ARID4A: variants seen among roughly 807,000 people sequenced by gnomAD.
ARID4A encodes the protein AT-rich interaction domain 4A.
Under a neutral mutation model 148.6 loss-of-function variants are expected in ARID4A, and 39 were observed. That is an observed-to-expected ratio of 0.26 (90% confidence interval 0.20 to 0.34). The LOEUF (loss-of-function observed/expected upper bound fraction) is 0.34, where lower values mean the gene tolerates loss of function less well. Ranked by LOEUF, ARID4A falls within the 10% of genes least tolerant of loss-of-function variation. ARID4A has a pLI of 1.00. For missense variants in ARID4A, 1,265 were observed against 1,449.1 expected, an observed-to-expected ratio of 0.87 and a Z score of 2.06; for synonymous variants, 475 against 481.2, an observed-to-expected ratio of 0.99 and a Z score of 0.17.
At chr14:58,316,705 C>T (rs576276350) in intron 5 of ARID4A, among the ~76,000 whole-genome samples, 163 of 152,140 alleles carry the variant, frequency 1.1e-3, no homozygotes, top group South Asian at 2.3e-3. Flanking sequence ...CTCAGCCTCC[C>T]GAGTAGCTGA....
chr14:58,303,266 A>G (rs2031338272), intron 3 of ARID4A, among the ~76,000 whole-genome samples: 1 of 152,204 alleles, frequency 6.6e-6, no homozygotes, highest in Non-Finnish European at 1.5e-5. Context: ...CATATCTATC[A>G]TCTCAAACAT....
At chr14:58,324,705 G>T (rs1272601486) in intron 8 of ARID4A, among the ~76,000 whole-genome samples, 1 of 152,020 alleles carries the variant, frequency 6.6e-6, no homozygotes, top group Non-Finnish European at 1.5e-5. Flanking sequence ...GCCATCCCTG[G>T]CTCTCAATTT....
At chr14:58,349,392 A>G (rs1249764188) in intron 15 of ARID4A, among the ~76,000 whole-genome samples, 1 of 152,046 alleles carries the variant, frequency 6.6e-6, no homozygotes, top group African/African-American at 2.4e-5. Flanking sequence ...CATGCCTGTA[A>G]TCCCAGCACT....
At chr14:58,326,618 T>A (rs978952174) in intron 8 of ARID4A, among the ~76,000 whole-genome samples, 7 of 152,190 alleles carry the variant, frequency 4.6e-5, no homozygotes, top group Non-Finnish European at 8.8e-5. Flanking sequence ...TGCAGAGAAT[T>A]TTCCAAAAGA....
chr14:58,370,708 C>T lies in ARID4A; in HGVS notation c.3671-1178C>T, dbSNP rs1011399485. Among the ~76,000 whole-genome samples the T allele has an allele frequency of 2.0e-5, 3 of 152,188 alleles. No individual in the cohort carries two copies. The South Asian group carries it at 6.2e-4, about 32-fold the overall frequency. ...CTTACTGCAGCCTCAGACTCTTGGG[C>T]TCAAGCGACTCCCACCTCAGCCTCC... is the stretch of plus-strand genomic sequence containing the variant. On this transcript the variant is annotated intron_variant, in intron 23 of 23. Transcript: ENST00000355431.
At position 58,372,207 on chromosome 14, in the gene ARID4A, T is replaced by G; in HGVS notation, c.*218T>G. 2.3e-6 allele frequency: 1 copy of G among 436,862 alleles called. No individual in the cohort carries two copies. Among genetic ancestry groups the G allele is most frequent in the Non-Finnish European group, 4.1e-6 (1 of 245,100 alleles). The allele number at this position is 436,862 out of a possible 1,614,324, so 27.1% of individuals were successfully genotyped here. A position where few individuals can be genotyped will look rare whatever the true frequency, so the allele number is the denominator to read the frequency against. ...TGAAGGTTAAGCAGCCTGCCATATT[T>G]GTCATAATTTTTCCTCTTTACTTTT... On this transcript the variant is annotated 3_prime_UTR_variant, in exon 24 of 24. Coordinates refer to ENST00000355431, the MANE Select transcript of ARID4A (RefSeq NM_002892.4).
At chr14:58,301,915 T>C (rs1270405753) in intron 3 of ARID4A, among the ~76,000 whole-genome samples, 3 of 152,248 alleles carry the variant, frequency 2.0e-5, no homozygotes, top group Non-Finnish European at 2.9e-5. Flanking sequence ...TCCTGTCATT[T>C]GGCTCTTAAC....
At chr14:58,299,675 G>T (rs774559904) in intron 1 of ARID4A, 123 bp from the exon 2 acceptor site, 3 of 797,462 alleles carry the variant, frequency 3.8e-6, no homozygotes, top group Non-Finnish European at 2.1e-6. Context: ...CTCGTAAGGG[G>T]TCTTGTCCCT....
In ARID4A at chr14:58,320,624, CT is replaced by C. The variant is rs1314951671; in HGVS notation, c.449+1820del. ...CTTTTTTTTTTTTTTTTTTTTTCCC[CT>C]GAGACGGAGTCTCGCTCTGTCACCC... On this transcript the variant is annotated intron_variant, in intron 7 of 23. Coordinates refer to ENST00000355431, the MANE Select transcript of ARID4A (RefSeq NM_002892.4). Among the ~76,000 whole-genome samples the C allele has an allele frequency of 7.0e-5, 10 of 142,642 alleles. No individual in the cohort carries two copies. The South Asian group carries it at 1.5e-3, about 22-fold the overall frequency. The allele number at this position is 142,642 out of a possible 152,430, so 93.6% of individuals were successfully genotyped here.
chr14:58,326,438 GA>G (rs1321507475), intron 8 of ARID4A, among the ~76,000 whole-genome samples: 1 of 151,716 alleles, frequency 6.6e-6, no homozygotes, highest in African/African-American at 2.4e-5. Context: ...CTCTGTCTCA[GA>G]AAAAAAAGTA....
At chr14:58,305,246 C>G (rs530397315) in intron 4 of ARID4A, among the ~76,000 whole-genome samples, 12 of 152,038 alleles carry the variant, frequency 7.9e-5, no homozygotes, top group Non-Finnish European at 1.6e-4. Context: ...TTAAGTTTTT[C>G]ACCTACCTTT....
At chr14:58,303,039 T>C (rs575432778) in intron 3 of ARID4A, among the ~76,000 whole-genome samples, 6 of 152,332 alleles carry the variant, frequency 3.9e-5, no homozygotes, top group Admixed American at 2.6e-4. Flanking sequence ...AATTTTCTTA[T>C]ATGAATATAT....
At chr14:58,342,923 A>T (rs1180681080) in intron 11 of ARID4A, among the ~76,000 whole-genome samples, 1 of 152,154 alleles carries the variant, frequency 6.6e-6, no homozygotes, top group Non-Finnish European at 1.5e-5. Context: ...AAAAAAAAAA[A>T]AATACTGGAA....
intron 2 of ARID4A, 36 bp downstream of exon 2, chr14:58,299,896 C>CTGAAA: frequency 6.2e-7 from 1 of 1,613,898 alleles, no homozygotes; most frequent in Non-Finnish European, 8.5e-7. Context: ...TCCTCGCGCC[C>CTGAAA]TGAACACTGC....
intron 5 of ARID4A, among the ~76,000 whole-genome samples, chr14:58,309,728 CAG>C (rs2031877323): frequency 6.6e-6 from 1 of 152,146 alleles, no homozygotes; most frequent in African/African-American, 2.4e-5. Flanking sequence ...TGTACACACA[CAG>C]ATCATTTATC....
chr14:58,365,425 A>G, intron 20 of ARID4A, 93 bp from the exon 21 acceptor site: 1 of 1,409,522 alleles, frequency 7.1e-7, no homozygotes, highest in East Asian at 2.4e-5. Context: ...CTTATTAAAA[A>G]GAAAGAAATG....
chr14:58,352,428 A>G (rs969494810), intron 16 of ARID4A, among the ~76,000 whole-genome samples: 11 of 152,158 alleles, frequency 7.2e-5, no homozygotes, highest in Non-Finnish European at 1.3e-4. Flanking sequence ...AAAGGTGAAA[A>G]ACATCAAAAT....
At chr14:58,325,275 CTTGTT>C (rs560915049) in intron 8 of ARID4A, among the ~76,000 whole-genome samples, 33 of 151,918 alleles carry the variant, frequency 2.2e-4, no homozygotes, top group African/African-American at 6.5e-4. Flanking sequence ...CTTAAATACT[CTTGTT>C]TTGTTTTGTT....
At chr14:58,365,918 C>A in intron 21 of ARID4A, 106 bp from the exon 22 acceptor site, 1 of 1,005,990 alleles carries the variant, frequency 9.9e-7, no homozygotes, top group Non-Finnish European at 1.5e-6. Context: ...TGCATTTGTG[C>A]ACTTATTTCT....
Sources: gnomAD v4.1 joint callset for allele counts (sites outside exome capture counted in the v4.1 genomes callset) on GRCh38, gnomAD v4.1.1 for gene constraint, MANE v1.5 for transcripts, NCBI Gene and HGNC (gene_info 2026-07-23, HGNC 2026-07-21) for gene names.